Variants in NBAS observed in about 807,000 individuals in gnomAD.
NBAS encodes the protein NAG/BC035112 fusion.
NBAS carries 219 observed loss-of-function variants against 302.5 expected under a neutral mutation model. The ratio of observed to expected loss-of-function variants is 0.72; its 90% CI spans 0.65 to 0.81. The LOEUF is 0.81. Among genes scored for constraint, NBAS ranks in the 30% least tolerant of loss-of-function variants. NBAS has a pLI of 0.00. For missense variants in NBAS, 2,932 were observed against 2,841.6 expected (o/e 1.03, Z -0.72); for synonymous variants, 1,118 against 1,021.6 (o/e 1.09, Z -1.80).
the NBAS span, among the ~76,000 whole-genome samples, chr2:15,010,697 T>C: frequency 6.6e-6 from 1 of 152,232 alleles, no homozygotes; most frequent in Non-Finnish European, 1.5e-5. Flanking sequence ...CAAATATTTG[T>C]TATTCGTAAA....
the NBAS span, among the ~76,000 whole-genome samples, chr2:14,895,503 A>C: frequency 0.23 from 35,336 of 151,730 alleles, 7,618 homozygotes; most frequent in African/African-American, 0.58. Flanking sequence ...CTTTGGGAGG[A>C]AAAGGCGGGT....
rs1440041131 is a variant in NBAS at position 15,292,658 on chromosome 2, T to C, written c.4906A>G (p.Asn1636Asp). The C allele has an allele frequency of 6.2e-7, 1 of 1,614,072 alleles. No homozygotes were observed. The highest frequency in any genetic ancestry group is 8.5e-7 in the Non-Finnish European group (1 of 1,180,038). Residue 1636 changes from asparagine (N) to aspartate (D), a missense_variant, in exon 41 of 52, where the codon AAT becomes GAT. Physicochemically the swap from Asn to Asp is conservative, Grantham distance 23 (BLOSUM62 1). Coordinates refer to ENST00000281513, the MANE Select transcript of NBAS (RefSeq NM_015909.4). ...ISLTKQLHCY[N>D]ERLLDFTQAQ... ...TGAGTGAAATCCAGGAGACGTTCATTGTAGCAGTGTAACTGCTTGGTCAGT... is the reference window on the plus strand; with the variant it reads ...TGAGTGAAATCCAGGAGACGTTCATCGTAGCAGTGTAACTGCTTGGTCAGT...
At chr2:15,414,858 T>C (rs1043035487) in intron 25 of NBAS, among the ~76,000 whole-genome samples, 1 of 152,036 alleles carries the variant, frequency 6.6e-6, no homozygotes, top group Non-Finnish European at 1.5e-5. Context: ...GGCAGGAGAA[T>C]TGCTTGAGCC....
the NBAS span, among the ~76,000 whole-genome samples, chr2:14,880,506 G>T: frequency 6.6e-6 from 1 of 151,722 alleles, no homozygotes; most frequent in African/African-American, 2.4e-5. Flanking sequence ...AAACATGAAC[G>T]AACTAAAGAA....
the NBAS span, among the ~76,000 whole-genome samples, chr2:14,809,742 G>A: frequency 5.9e-5 from 9 of 152,254 alleles, no homozygotes; most frequent in Admixed American, 3.9e-4. Context: ...CCCCCAAATG[G>A]TAGACTCACC....
intron 21 of NBAS, among the ~76,000 whole-genome samples, chr2:15,454,151 A>G (rs938664401): frequency 1.3e-5 from 2 of 152,206 alleles, no homozygotes; most frequent in Admixed American, 6.5e-5. Context: ...TTAATACTAT[A>G]AAATATTTTA....
the NBAS span, among the ~76,000 whole-genome samples, chr2:15,145,401 A>ATGTGTGTGTGTGTGTG: frequency 1.4e-5 from 2 of 148,116 alleles, no homozygotes; most frequent in Non-Finnish European, 3.0e-5. Context: ...GTTTGTTTGT[A>ATGTGTGTGTGTGTGTG]TGTGTGTGTG....
intron 9 of NBAS, among the ~76,000 whole-genome samples, chr2:15,531,240 AG>A (rs1226891064): frequency 6.6e-6 from 1 of 152,206 alleles, no homozygotes; most frequent in Non-Finnish European, 1.5e-5. Flanking sequence ...TCTAAGGAAC[AG>A]GTCACGCAAC....
chr2:15,040,897 C>T, the NBAS span, among the ~76,000 whole-genome samples: 29 of 152,190 alleles, frequency 1.9e-4, no homozygotes, highest in Middle Eastern at 3.2e-3. Flanking sequence ...CCTTCCTGTG[C>T]GGTAAAATCA....
At chr2:15,319,970 C>T (rs1453951150) in intron 38 of NBAS, among the ~76,000 whole-genome samples, 1 of 152,136 alleles carries the variant, frequency 6.6e-6, no homozygotes, top group African/African-American at 2.4e-5. Flanking sequence ...ACCAATATCC[C>T]TGATGAACAT....
At chr2:15,144,019 C>CTA in the NBAS span, among the ~76,000 whole-genome samples, 14 of 112,212 alleles carry the variant, frequency 1.2e-4, no homozygotes, top group East Asian at 4.6e-4. Context: ...TGAGTTAATA[C>CTA]TATATATATA....
rs1343303070 is a variant in NBAS at position 15,379,835 on chromosome 2, G to GA, written c.3361-5dup. 1.2e-6 allele frequency: 2 copies of GA among 1,607,372 alleles called. No individual in the cohort carries two copies. Among genetic ancestry groups the GA allele is most frequent in the African/African-American group, 1.3e-5 (1 of 74,560 alleles). On this transcript the variant is annotated splice_region_variant and splice_polypyrimidine_tract_variant and intron_variant, in intron 29 of 51. Coordinates refer to ENST00000281513, the MANE Select transcript of NBAS (RefSeq NM_015909.4). ...ACAGAAGGCTTTCTGTAAATATCTG[G>GA]AAAAAAGGAGAAACTGGAATTAGTT...
chr2:15,488,255 G>A (rs879664880), intron 12 of NBAS, among the ~76,000 whole-genome samples: 2 of 152,180 alleles, frequency 1.3e-5, no homozygotes, highest in Non-Finnish European at 2.9e-5. Context: ...ATTTCCAGTT[G>A]AGGAATTTCT....
intron 44 of NBAS, among the ~76,000 whole-genome samples, chr2:15,263,393 C>A (rs16862460): frequency 0.022 from 3,306 of 152,180 alleles, 81 homozygotes; most frequent in African/African-American, 0.055. Context: ...TGCACCCAGG[C>A]TAAAAGTAAT....
At chr2:14,808,106 A>T in the NBAS span, among the ~76,000 whole-genome samples, 1 of 152,232 alleles carries the variant, frequency 6.6e-6, no homozygotes, top group Non-Finnish European at 1.5e-5. Context: ...CTTTTTGTGC[A>T]TCTACTTTGT....
intron 12 of NBAS, among the ~76,000 whole-genome samples, chr2:15,479,595 T>A (rs1396610220): frequency 1.3e-5 from 2 of 152,198 alleles, no homozygotes; most frequent in Non-Finnish European, 2.9e-5. Context: ...CAGATCAAAA[T>A]GAAATTTGAC....
At chr2:15,043,607 G>A in the NBAS span, among the ~76,000 whole-genome samples, 349 of 152,252 alleles carry the variant, frequency 2.3e-3, 1 homozygote, top group African/African-American at 8.0e-3. Context: ...CAAGTGCTAT[G>A]GTAAGCCTGA....
chr2:15,288,867 G>A (rs573467444), intron 41 of NBAS, among the ~76,000 whole-genome samples: 4 of 152,322 alleles, frequency 2.6e-5, no homozygotes, highest in African/African-American at 7.2e-5. Flanking sequence ...TTCTGGGAAA[G>A]GTAATATAGT....
rs140285886 is a variant in NBAS, at chr2:15,311,144, G to A, written c.4583-1897C>T. On this transcript the variant is annotated intron_variant, in intron 38 of 51. Coordinates refer to ENST00000281513, the MANE Select transcript of NBAS (RefSeq NM_015909.4). ...ACATAACACCCTAAGTATGGTGTGG[G>A]AACACCCAATAATCAAAGACATTAA... is the stretch of plus-strand genomic sequence containing the variant. Among the ~76,000 whole-genome samples the A allele has an allele frequency of 3.3e-5, 5 of 152,248 alleles. No homozygotes were observed. The East Asian group carries it at 9.7e-4, about 29-fold the overall frequency.
Sources: gnomAD v4.1 joint callset for allele counts (sites outside exome capture counted in the v4.1 genomes callset) on GRCh38, gnomAD v4.1.1 for gene constraint, MANE v1.5 for transcripts, NCBI Gene and HGNC (gene_info 2026-07-23, HGNC 2026-07-21) for gene names.